MCPH1: variants seen among roughly 807,000 people sequenced by gnomAD.
MCPH1 encodes microcephalin.
Under a neutral mutation model 84.5 loss-of-function variants are expected in MCPH1, and 104 were observed. The ratio of observed to expected loss-of-function variants is 1.23; its 90% CI spans 1.05 to 1.45. The LOEUF (loss-of-function observed/expected upper bound fraction) is 1.45. Among genes scored for constraint, MCPH1 ranks in the 40% most tolerant of loss-of-function variants. The pLI, the probability that MCPH1 is intolerant of heterozygous loss-of-function variation, is 0.00. For synonymous variants in MCPH1, 514 were observed against 366.8 expected, an observed-to-expected ratio of 1.40 and a Z score of -4.58; for missense variants, 1,498 against 1,005.7, an observed-to-expected ratio of 1.49 and a Z score of -6.62.
chr8:6,611,769 C>T (rs1275892654), intron 12 of MCPH1, among the ~76,000 whole-genome samples: 3 of 152,234 alleles, frequency 2.0e-5, no homozygotes, highest in Non-Finnish European at 2.9e-5. Context: ...CAGGCGTCCG[C>T]CACCACGCCC....
At chr8:6,480,184 C>CA (rs1261827832) in intron 10 of MCPH1, among the ~76,000 whole-genome samples, 1 of 150,204 alleles carries the variant, frequency 6.7e-6, no homozygotes, top group Non-Finnish European at 1.5e-5. Flanking sequence ...AGTGCAGTGA[C>CA]ACGATCGCGG....
chr8:6,453,339 G>T (rs1344671815), intron 8 of MCPH1, among the ~76,000 whole-genome samples: 1 of 151,574 alleles, frequency 6.6e-6, no homozygotes, highest in Non-Finnish European at 1.5e-5. Context: ...CATTTACTTA[G>T]ATCATTTTTT....
intron 12 of MCPH1, among the ~76,000 whole-genome samples, chr8:6,594,590 G>A (rs867966539): frequency 3.3e-5 from 5 of 152,242 alleles, no homozygotes; most frequent in Admixed American, 6.5e-5. Flanking sequence ...GAGCCTGCTC[G>A]CATCAGGCCA....
chr8:6,537,551 T>TA lies in MCPH1; in HGVS notation c.2214+37623dup, dbSNP rs1036529179. On this transcript the variant is annotated intron_variant, in intron 12 of 13. Transcript: ENST00000344683. ...ATGAAATATTTTAATGCAACATATA[T>TA]ATATATATATGTTTACATTAATATA... 3.0e-4 allele frequency among the ~76,000 whole-genome samples: 46 copies of TA among 151,600 alleles called. 1 individual carries two copies. Among genetic ancestry groups the TA allele is most frequent in the African/African-American group, 1.1e-3 (46 of 41,420 alleles).
At chr8:6,606,437 C>T (rs1466999268) in intron 12 of MCPH1, among the ~76,000 whole-genome samples, 1 of 152,156 alleles carries the variant, frequency 6.6e-6, no homozygotes, top group African/African-American at 2.4e-5. Flanking sequence ...ATTTAAAAAC[C>T]TAACCTATAT....
At chr8:6,539,194 G>A (rs142521533) in intron 12 of MCPH1, among the ~76,000 whole-genome samples, 1,583 of 152,336 alleles carry the variant, frequency 0.01, 20 homozygotes, top group Middle Eastern at 0.044. Context: ...AGCCTGGGGG[G>A]TAGGCACAGT....
At chr8:6,503,035 T>A in intron 12 of MCPH1, 1 of 1,589,246 alleles carries the variant, frequency 6.3e-7, no homozygotes, top group South Asian at 1.1e-5. Flanking sequence ...CAGCCGTGAC[T>A]TTCAGTGCAC....
chr8:6,624,957 C>T, intron 13 of MCPH1: 1 of 705,594 alleles, frequency 1.4e-6, no homozygotes, highest in Non-Finnish European at 1.7e-6. Context: ...CTCACTGCAA[C>T]CTTCACCTCC....
intron 12 of MCPH1, among the ~76,000 whole-genome samples, chr8:6,591,772 G>A (rs972078899): frequency 6.6e-6 from 1 of 152,018 alleles, no homozygotes; most frequent in Non-Finnish European, 1.5e-5. Context: ...ATTCCACCAG[G>A]GACAACTTCG....
At chr8:6,537,248 A>G (rs1248974674) in intron 12 of MCPH1, among the ~76,000 whole-genome samples, 1 of 152,242 alleles carries the variant, frequency 6.6e-6, no homozygotes, top group East Asian at 1.9e-4. Context: ...ATCTGTAGGC[A>G]CACGTGTCTG....
intron 12 of MCPH1, among the ~76,000 whole-genome samples, chr8:6,605,704 C>CTT (rs5889178): frequency 1.5e-3 from 228 of 151,106 alleles, no homozygotes; most frequent in African/African-American, 5.2e-3. Flanking sequence ...TTTTTGTAAT[C>CTT]TTTTTTTTTA....
intron 12 of MCPH1, among the ~76,000 whole-genome samples, chr8:6,559,889 C>T (rs1306693524): frequency 6.6e-6 from 1 of 152,196 alleles, no homozygotes; most frequent in Non-Finnish European, 1.5e-5. Flanking sequence ...TTAACTACTA[C>T]ACAGTGAGTA....
intron 13 of MCPH1, among the ~76,000 whole-genome samples, chr8:6,622,775 A>G (rs887128561): frequency 3.3e-5 from 5 of 152,032 alleles, no homozygotes; most frequent in Admixed American, 6.5e-5. Flanking sequence ...GTGTGTCCAA[A>G]TGTTCTCTTC....
At chr8:6,473,567 G>A (rs1177516899) in intron 9 of MCPH1, among the ~76,000 whole-genome samples, 4 of 152,114 alleles carry the variant, frequency 2.6e-5, no homozygotes, top group East Asian at 3.9e-4. Flanking sequence ...TGCTGAACTC[G>A]TGATCTGCCC....
chr8:6,528,618 C>T (rs574437065), intron 12 of MCPH1, among the ~76,000 whole-genome samples: 2 of 152,384 alleles, frequency 1.3e-5, no homozygotes, highest in African/African-American at 2.4e-5. Context: ...TACTGCGTGG[C>T]ATGAGCAGTG....
In MCPH1 at chr8:6,555,326, G is replaced by C. The variant is rs141950162; in HGVS notation, c.2214+55397G>C. ...TGAATTTCGTCGTCCTGCCTTTCAA[G>C]TGGTGTCCTGTGAAATCCAGCGTTT... On this transcript the variant is annotated intron_variant, in intron 12 of 13. Coordinates refer to ENST00000344683, the MANE Select transcript of MCPH1 (RefSeq NM_024596.5). 3.9e-4 allele frequency among the ~76,000 whole-genome samples: 60 copies of C among 152,340 alleles called. No homozygotes were observed. The East Asian group carries it at 9.4e-3, about 24-fold the overall frequency.
chr8:6,606,196 G>C (rs1309711492), intron 12 of MCPH1, among the ~76,000 whole-genome samples: 1 of 152,196 alleles, frequency 6.6e-6, no homozygotes, highest in South Asian at 2.1e-4. Context: ...TGAAGAATAT[G>C]CCTGATTATA....
intron 3 of MCPH1, among the ~76,000 whole-genome samples, chr8:6,415,381 A>G (rs899577312): frequency 6.7e-6 from 1 of 150,324 alleles, no homozygotes; most frequent in Non-Finnish European, 1.5e-5. Flanking sequence ...TCAGCCTCCT[A>G]GGCTCAAGTG....
intron 8 of MCPH1, among the ~76,000 whole-genome samples, chr8:6,452,165 T>C (rs182240249): frequency 2.8e-4 from 42 of 152,340 alleles, no homozygotes; most frequent in African/African-American, 9.9e-4. Flanking sequence ...TGGATCTGGC[T>C]CCAAAGTGAT....
Sources: gnomAD v4.1 joint callset for allele counts (sites outside exome capture counted in the v4.1 genomes callset) on GRCh38, gnomAD v4.1.1 for gene constraint, MANE v1.5 for transcripts, NCBI Gene and HGNC (gene_info 2026-07-23, HGNC 2026-07-21) for gene names.